PNPT1: variants seen among roughly 807,000 people sequenced by gnomAD.
The protein encoded by PNPT1 is polyribonucleotide nucleotidyltransferase 1, also known as polyribonucleotide nucleotidyltransferase 1, mitochondrial.
A neutral mutation model predicts 119.5 loss-of-function variants in PNPT1; 53 were observed. The observed-to-expected ratio is 0.44, with a 90% CI of 0.36 to 0.56. The LOEUF is 0.56. Ranked by LOEUF, PNPT1 falls within the 20% of genes least tolerant of loss-of-function variation. PNPT1 has a pLI of 0.00. For synonymous variants in PNPT1, 357 were observed against 322.1 expected, an observed-to-expected ratio of 1.11 and a Z score of -1.16; for missense variants, 948 against 938.5, an observed-to-expected ratio of 1.01 and a Z score of -0.13.
intron 1 of PNPT1, among the ~76,000 whole-genome samples, chr2:55,691,264 T>C (rs115209718): frequency 6.9e-4 from 105 of 152,350 alleles, no homozygotes; most frequent in Middle Eastern, 3.4e-3. Flanking sequence ...CAATAAAAGC[T>C]TGCTGAAATG....
At chr2:55,651,526 A>G (rs1299237159) in intron 18 of PNPT1, among the ~76,000 whole-genome samples, 1 of 152,122 alleles carries the variant, frequency 6.6e-6, no homozygotes, top group Non-Finnish European at 1.5e-5. Context: ...AGGGTTGAAT[A>G]GATTAAGGGC....
chr2:55,672,941 G>A lies in PNPT1; in HGVS notation c.818C>T (p.Pro273Leu), dbSNP rs1367460436. The change falls in exon 9 of 28, where the codon CCT (proline) becomes CTT (leucine). Residue 273 changes from proline to leucine, a missense_variant. By Grantham distance (98) the Pro-to-Leu change is moderately conservative. Transcript: ENST00000447944. ...VKETGVTKRT[P>L]QKLFTPSPEI... Reference sequence around the variant, plus strand: ...TGGCGAAGGGGTAAATAACTTCTGAGGTGTCCTCTTGGTAACACCAGTTTC... The same window carrying A: ...TGGCGAAGGGGTAAATAACTTCTGAAGTGTCCTCTTGGTAACACCAGTTTC... The A allele has an allele frequency of 6.2e-7, 1 of 1,613,034 alleles. No individual in the cohort carries two copies. Among genetic ancestry groups the A allele is most frequent in the Non-Finnish European group, 8.5e-7 (1 of 1,179,682 alleles).
At chr2:55,646,230 TGAAG>T (rs1559088872) in intron 21 of PNPT1, 25 bp downstream of exon 21, 5 of 1,580,798 alleles carry the variant, frequency 3.2e-6, no homozygotes, top group Middle Eastern at 1.7e-4. Flanking sequence ...TGGAAAAGAA[TGAAG>T]GGAGAATCAA....
chr2:55,672,068 G>T, intron 9 of PNPT1, 22 bp from the exon 10 acceptor site: 1 of 1,550,116 alleles, frequency 6.5e-7, no homozygotes, highest in Admixed American at 1.9e-5. Context: ...GAAAATAAAT[G>T]TTAGCATAAT....
intron 8 of PNPT1, among the ~76,000 whole-genome samples, chr2:55,675,500 TA>T (rs1697038094): frequency 6.6e-6 from 1 of 152,194 alleles, no homozygotes; most frequent in Admixed American, 6.5e-5. Context: ...TTTCACTCAT[TA>T]AACTTTAATG....
rs182544982 is a variant in PNPT1 at position 55,676,853 on chromosome 2, C to A, written c.679+2829G>T. 5.1e-4 allele frequency among the ~76,000 whole-genome samples: 76 copies of A among 150,016 alleles called. 1 individual carries two copies. The highest frequency in any genetic ancestry group is 8.6e-4 in the Admixed American group (13 of 15,120). ...CTCCAGCCTCGGCAACAGAGAGAGA[C>A]CTGGTCTCCAAAAAAAAAAAAAAAG... On this transcript the variant is annotated intron_variant, in intron 8 of 27. Coordinates refer to ENST00000447944, the MANE Select transcript of PNPT1 (RefSeq NM_033109.5).
At chr2:55,676,331 G>C (rs938183557) in intron 8 of PNPT1, among the ~76,000 whole-genome samples, 5 of 150,302 alleles carry the variant, frequency 3.3e-5, no homozygotes, top group Non-Finnish European at 7.4e-5. Flanking sequence ...GAAGATGAAG[G>C]AGTTTTGAGA....
chr2:55,679,826 T>C, intron 7 of PNPT1, 31 bp from the exon 8 acceptor site: 1 of 1,441,200 alleles, frequency 6.9e-7, no homozygotes, highest in Non-Finnish European at 9.6e-7. Flanking sequence ...GGCAACTGTT[T>C]AATGGAAATA....
intron 13 of PNPT1, among the ~76,000 whole-genome samples, chr2:55,666,450 T>C (rs1275611044): frequency 6.6e-6 from 1 of 152,190 alleles, no homozygotes; most frequent in African/African-American, 2.4e-5. Context: ...GGTTTCTCAG[T>C]TGCATACTTG....
chr2:55,657,281 A>AT (rs1696415452), intron 15 of PNPT1, among the ~76,000 whole-genome samples: 1 of 151,876 alleles, frequency 6.6e-6, no homozygotes. Context: ...GTAAGCCGAG[A>AT]CTGCACCACT....
intron 20 of PNPT1, 28 bp from the exon 21 acceptor site, chr2:55,646,350 T>C (rs1696004737): frequency 6.2e-7 from 1 of 1,603,512 alleles, no homozygotes; most frequent in Non-Finnish European, 8.5e-7. Context: ...AACAATTATA[T>C]AAATATTGAC....
chr2:55,646,610 A>G (rs1426900583), intron 19 of PNPT1, 124 bp from the exon 20 acceptor site: 2 of 681,724 alleles, frequency 2.9e-6, no homozygotes, highest in Non-Finnish European at 4.9e-6. Flanking sequence ...AACACAAAGC[A>G]ATGTTTTCTA....
intron 18 of PNPT1, among the ~76,000 whole-genome samples, chr2:55,651,889 A>G (rs950774032): frequency 1.7e-5 from 2 of 117,660 alleles, no homozygotes; most frequent in Non-Finnish European, 3.9e-5. Context: ...GAAAGTCAAA[A>G]AAAAAAAAAA....
intron 14 of PNPT1, among the ~76,000 whole-genome samples, chr2:55,661,281 C>T (rs868279449): frequency 5.9e-5 from 9 of 151,544 alleles, no homozygotes; most frequent in African/African-American, 1.9e-4. Flanking sequence ...TCAGTAGGGA[C>T]GGAATTTCAC....
chr2:55,680,917 A>G lies in PNPT1; in HGVS notation c.455T>C (p.Val152Ala). 1 of 1,612,478 alleles carries G rather than the reference A, an allele frequency of 6.2e-7. No individual in the cohort carries two copies. The highest frequency in any genetic ancestry group is 8.5e-7 in the Non-Finnish European group (1 of 1,179,530). ...ATCTACTGCTAACAGATTACACAGA[A>G]CCTGGTAAAAGGGAAAAAATTTGAT... ...FPAGYFYDTQ[V>A]LCNLLAVDGV... is the part of the protein sequence containing the mutation. Residue 152 changes from valine to alanine, a missense_variant and splice_region_variant, in exon 6 of 28, where the codon GTT becomes GCT. Transcript: ENST00000447944.
At chr2:55,659,534 A>C (rs1469452969) in intron 15 of PNPT1, among the ~76,000 whole-genome samples, 1 of 149,396 alleles carries the variant, frequency 6.7e-6, no homozygotes, top group Non-Finnish European at 1.5e-5. Flanking sequence ...TTTTTTTTTT[A>C]ACCTAAAACG....
rs56340299 is a variant in PNPT1, at chr2:55,646,773, TGTAA to T, written c.1603-291_1603-288del. Among the ~76,000 whole-genome samples, 12,769 of 152,250 alleles carry T rather than the reference TGTAA, an allele frequency of 0.084. 639 individuals are homozygous for T. Among genetic ancestry groups the T allele is most frequent in the South Asian group, 0.14 (661 of 4,828 alleles). On this transcript the variant is annotated intron_variant, in intron 19 of 27. Transcript: ENST00000447944. ...TGAGTCATTATGAATACTTACACTG[TGTAA>T]GTATTACTGCAATACTTAAGGGTAA...
chr2:55,668,695 G>C (rs1054854834), intron 11 of PNPT1, among the ~76,000 whole-genome samples: 1 of 152,152 alleles, frequency 6.6e-6, no homozygotes, highest in Non-Finnish European at 1.5e-5. Context: ...CGCCTCCTGG[G>C]TTCAAGCAAT....
At chr2:55,653,072 T>C (rs1057344555) in intron 18 of PNPT1, among the ~76,000 whole-genome samples, 1 of 152,202 alleles carries the variant, frequency 6.6e-6, no homozygotes, top group East Asian at 1.9e-4. Context: ...GGCCTCAAAC[T>C]CCTGACCTCA....
Sources: gnomAD v4.1 joint callset for allele counts (sites outside exome capture counted in the v4.1 genomes callset) on GRCh38, gnomAD v4.1.1 for gene constraint, MANE v1.5 for transcripts, NCBI Gene and HGNC (gene_info 2026-07-23, HGNC 2026-07-21) for gene names.